The following ANK2 variants were observed in gnomAD, a reference collection of about 807,000 sequenced individuals.
The protein encoded by ANK2 is ankyrin-2.
In ANK2, 83 loss-of-function variants were observed where a neutral mutation model predicts 360.5. That is an observed-to-expected ratio of 0.23 (90% CI 0.19 to 0.28). ANK2 has a LOEUF of 0.28. Ranked by LOEUF, ANK2 falls within the 10% of genes least tolerant of loss-of-function variation. ANK2 has a pLI of 1.00. For synonymous variants in ANK2, 1,740 were observed against 1,759.5 expected, an observed-to-expected ratio of 0.99 and a Z score of 0.28; for missense variants, 4,201 against 4,795.7, an observed-to-expected ratio of 0.88 and a Z score of 3.66.
At chr4:112,786,273 C>A in the ANK2 span, among the ~76,000 whole-genome samples, 1 of 151,654 alleles carries the variant, frequency 6.6e-6, no homozygotes, top group African/African-American at 2.4e-5. Context: ...TAAATTCATC[C>A]TTCACTGTGT....
intron 1 of ANK2, among the ~76,000 whole-genome samples, chr4:113,136,904 C>T (rs558286536): frequency 3.3e-5 from 5 of 152,060 alleles, no homozygotes; most frequent in South Asian, 4.2e-4. Flanking sequence ...ATTACAGGTG[C>T]GTGCCACCAG....
At chr4:112,781,937 C>G in the ANK2 span, among the ~76,000 whole-genome samples, 1 of 146,384 alleles carries the variant, frequency 6.8e-6, no homozygotes, top group East Asian at 2.1e-4. Flanking sequence ...TCAAGTGGTT[C>G]TCCTGCCTCT....
At chr4:113,061,586 G>T (rs758426287) in intron 1 of ANK2, among the ~76,000 whole-genome samples, 30 of 151,904 alleles carry the variant, frequency 2.0e-4, no homozygotes, top group Admixed American at 4.6e-4. Context: ...ACGTACACAC[G>T]CACTTACATT....
intron 14 of ANK2, among the ~76,000 whole-genome samples, chr4:113,273,123 T>C (rs1375776314): frequency 6.6e-6 from 1 of 152,206 alleles, no homozygotes; most frequent in Non-Finnish European, 1.5e-5. Context: ...CTTATTGTAG[T>C]ATCTGTTTCC....
At chr4:112,757,070 A>G in the ANK2 span, among the ~76,000 whole-genome samples, 2 of 151,922 alleles carry the variant, frequency 1.3e-5, no homozygotes, top group Non-Finnish European at 2.9e-5. Flanking sequence ...GTAATTCCCA[A>G]ATTATATCAT....
chr4:112,788,088 C>T, the ANK2 span: 4 of 1,534,054 alleles, frequency 2.6e-6, no homozygotes, highest in Non-Finnish European at 3.6e-6. Context: ...CACATTTAAC[C>T]CAGTTTAGTG....
In ANK2 at chr4:113,163,486, C is replaced by A. The variant is rs757622445; in HGVS notation, c.85-10930C>A. ...TTTAAATTAAAAACCAAGCTTTGGC[C>A]GGGCACGGTGGCTCACTCCTGTAAT... On this transcript the variant is annotated intron_variant, in intron 1 of 45. Coordinates refer to ENST00000357077, the MANE Select transcript of ANK2 (RefSeq NM_001148.6). 7.9e-5 allele frequency among the ~76,000 whole-genome samples: 12 copies of A among 151,472 alleles called. No individual in the cohort carries two copies. The East Asian group carries it at 2.3e-3, about 29-fold the overall frequency.
At chr4:113,228,022 A>G (rs2099246094) in intron 4 of ANK2, among the ~76,000 whole-genome samples, 1 of 152,140 alleles carries the variant, frequency 6.6e-6, no homozygotes, top group African/African-American at 2.4e-5. Context: ...CATTCTTCGC[A>G]TTTGCTCCCC....
At chr4:112,743,840 T>A in the ANK2 span, among the ~76,000 whole-genome samples, 1 of 149,142 alleles carries the variant, frequency 6.7e-6, no homozygotes, top group East Asian at 2.0e-4. Context: ...CCACCATGCC[T>A]GGCCTCTTTT....
At chr4:112,708,332 C>T in the ANK2 span, among the ~76,000 whole-genome samples, 1 of 151,892 alleles carries the variant, frequency 6.6e-6, no homozygotes, top group African/African-American at 2.4e-5. Context: ...CTTTCTGAAC[C>T]ATGTAAAAAT....
At chr4:113,371,792 T>A (rs1393028816) in intron 43 of ANK2, among the ~76,000 whole-genome samples, 1 of 152,212 alleles carries the variant, frequency 6.6e-6, no homozygotes, top group African/African-American at 2.4e-5. Flanking sequence ...ACATATAACT[T>A]GAGTTTTACA....
At chr4:112,738,877 A>G in the ANK2 span, 1 of 666,460 alleles carries the variant, frequency 1.5e-6, no homozygotes, top group Non-Finnish European at 2.7e-6. Context: ...AAACAAACAA[A>G]CAAACAAACA....
At chr4:113,029,149 A>G (rs1428106202) in intron 2 of ANK2, among the ~76,000 whole-genome samples, 1 of 152,128 alleles carries the variant, frequency 6.6e-6, no homozygotes, top group Non-Finnish European at 1.5e-5. Context: ...ATTATATATT[A>G]CTTGCTATTA....
intron 1 of ANK2, among the ~76,000 whole-genome samples, chr4:112,878,470 GCA>G (rs1287735437): frequency 1.3e-5 from 2 of 152,034 alleles, no homozygotes; most frequent in Non-Finnish European, 2.9e-5. Context: ...GGGATTACAG[GCA>G]TGCGCCACCA....
chr4:112,931,433 CTT>C (rs59802557), intron 2 of ANK2, among the ~76,000 whole-genome samples: 14,754 of 85,582 alleles, frequency 0.17, 557 homozygotes, highest in Middle Eastern at 0.25. Context: ...TCTTTCTTTT[CTT>C]TTTTTTTTTT....
chr4:113,296,936 A>C (rs895795733), intron 22 of ANK2, among the ~76,000 whole-genome samples: 2 of 152,188 alleles, frequency 1.3e-5, no homozygotes, highest in African/African-American at 2.4e-5. Context: ...GCAGACCATA[A>C]ATTACTGAAT....
chr4:113,047,787 G>A (rs1274498218), upstream of ANK2, among the ~76,000 whole-genome samples: 1 of 152,154 alleles, frequency 6.6e-6, no homozygotes, highest in Non-Finnish European at 1.5e-5. Flanking sequence ...GCTGAAACAG[G>A]AGGAGGGTGG....
chr4:113,177,617 T>G (rs1184160786), intron 2 of ANK2, among the ~76,000 whole-genome samples: 1 of 152,230 alleles, frequency 6.6e-6, no homozygotes, highest in Non-Finnish European at 1.5e-5. Flanking sequence ...AGGGTTATTT[T>G]GAGAAAGAAT....
chr4:112,762,628 G>T, the ANK2 span, among the ~76,000 whole-genome samples: 1 of 152,180 alleles, frequency 6.6e-6, no homozygotes, highest in South Asian at 2.1e-4. Context: ...TCGTGCTTCA[G>T]CTTCCAGAAT....
Sources: gnomAD v4.1 joint callset for allele counts (sites outside exome capture counted in the v4.1 genomes callset) on GRCh38, gnomAD v4.1.1 for gene constraint, MANE v1.5 for transcripts, NCBI Gene and HGNC (gene_info 2026-07-23, HGNC 2026-07-21) for gene names.